GRIK3: variants seen among roughly 807,000 people sequenced by gnomAD.
GRIK3 encodes glutamate ionotropic receptor kainate type subunit 3, also known as glutamate receptor ionotropic, kainate 3.
A neutral mutation model predicts 102.5 loss-of-function variants in GRIK3; 29 were observed. That is an observed-to-expected ratio of 0.28 (90% confidence interval 0.21 to 0.39). The LOEUF (loss-of-function observed/expected upper bound fraction) is 0.39, where lower values mean the gene tolerates loss of function less well. Among genes scored for constraint, GRIK3 ranks in the 10% least tolerant of loss-of-function variants. The pLI is 1.00. For synonymous variants in GRIK3, 511 were observed against 504.9 expected (o/e 1.01, Z -0.16); for missense variants, 908 against 1,252.4 (o/e 0.73, Z 4.15).
At chr1:36,980,650 C>A (rs545643190) in intron 1 of GRIK3, among the ~76,000 whole-genome samples, 1 of 152,100 alleles carries the variant, frequency 6.6e-6, no homozygotes, top group South Asian at 2.1e-4. Flanking sequence ...CTGCCCATTC[C>A]CAGGGTCCCG....
At chr1:36,818,827 C>T (rs78588360) in intron 12 of GRIK3, among the ~76,000 whole-genome samples, 2,124 of 152,352 alleles carry the variant, frequency 0.014, 50 homozygotes, top group African/African-American at 0.048. Flanking sequence ...AGCCCCTTCC[C>T]TGCCTGCCCC....
At chr1:36,894,153 T>C (rs1383260519) in intron 1 of GRIK3, among the ~76,000 whole-genome samples, 1 of 152,188 alleles carries the variant, frequency 6.6e-6, no homozygotes, top group Non-Finnish European at 1.5e-5. Context: ...AGAATCCCCG[T>C]GCCCATTTAC....
chr1:36,913,457 T>C (rs1198602941), intron 1 of GRIK3, among the ~76,000 whole-genome samples: 1 of 152,228 alleles, frequency 6.6e-6, no homozygotes, highest in Non-Finnish European at 1.5e-5. Context: ...TAAATATCAA[T>C]TGCTATGCAG....
intron 1 of GRIK3, among the ~76,000 whole-genome samples, chr1:36,969,049 C>T (rs1642112681): frequency 6.6e-6 from 1 of 152,192 alleles, no homozygotes; most frequent in African/African-American, 2.4e-5. Flanking sequence ...ATATGCCACC[C>T]TCTCTTCCCC....
chr1:36,860,159 A>G, intron 5 of GRIK3, 142 bp from the exon 6 acceptor site: 1 of 612,790 alleles, frequency 1.6e-6, no homozygotes, highest in Non-Finnish European at 2.8e-6. Flanking sequence ...GGGGTGCGGG[A>G]TATCGGGGTA....
chr1:36,897,158 C>A (rs543466660), intron 1 of GRIK3, among the ~76,000 whole-genome samples: 1 of 152,022 alleles, frequency 6.6e-6, no homozygotes, highest in African/African-American at 2.4e-5. Flanking sequence ...AGCAGTTAGG[C>A]AAGAAAATGA....
At position 36,999,008 on chromosome 1, in the gene GRIK3, A is replaced by G. The variant is rs945169; in HGVS notation, c.115+34986T>C. Among the ~76,000 whole-genome samples the G allele has an allele frequency of 1.2e-3, 68 of 55,242 alleles. 1 individual carries two copies. The highest frequency in any genetic ancestry group is 6.6e-3 in the South Asian group (12 of 1,812). 36.2% of individuals were successfully genotyped at this position (55,242 alleles called of 152,430 possible). A position where few individuals can be genotyped will look rare whatever the true frequency, so the allele number is the denominator to read the frequency against. ...TGTGTGTGTGTGTGTGTGTGTGTGT[A>G]TGTGTGTGTGTGTTGGGGGTGGGGA... On this transcript the variant is annotated intron_variant, in intron 1 of 15. Transcript: ENST00000373091.
intron 11 of GRIK3, among the ~76,000 whole-genome samples, chr1:36,823,124 G>A (rs776015181): frequency 6.6e-6 from 1 of 152,150 alleles, no homozygotes; most frequent in African/African-American, 2.4e-5. Flanking sequence ...AGGAGTGAAG[G>A]GGAGATGGCC....
intron 1 of GRIK3, among the ~76,000 whole-genome samples, chr1:37,008,920 A>G (rs951869086): frequency 2.3e-4 from 35 of 152,156 alleles, no homozygotes; most frequent in Admixed American, 1.6e-3. Context: ...TTCTTGCTAA[A>G]AAGGAAGAGG....
At position 36,980,281 on chromosome 1, in the gene GRIK3, G is replaced by A. The variant is rs1168944136; in HGVS notation, c.115+53713C>T. Among the ~76,000 whole-genome samples the A allele has an allele frequency of 1.3e-4, 20 of 152,180 alleles. 1 individual carries two copies. In the Middle Eastern group the frequency reaches 0.01, roughly 78 times the overall value. On this transcript the variant is annotated intron_variant, in intron 1 of 15. Coordinates refer to ENST00000373091, the MANE Select transcript of GRIK3 (RefSeq NM_000831.4). ...ATCCTCCCAAAGTCTACAGAGCGCC[G>A]TGTGATCCAGCCTCTGCTCAGCCCT...
chr1:36,956,521 A>G (rs1165719916), intron 1 of GRIK3, among the ~76,000 whole-genome samples: 2 of 152,110 alleles, frequency 1.3e-5, no homozygotes, highest in African/African-American at 2.4e-5. Flanking sequence ...CCAGCTCCCA[A>G]GAAAACAGCT....
chr1:36,933,425 A>C (rs781076468), intron 1 of GRIK3, among the ~76,000 whole-genome samples: 1 of 152,210 alleles, frequency 6.6e-6, no homozygotes, highest in Non-Finnish European at 1.5e-5. Context: ...AGTAAACCTA[A>C]TGGTAACTAT....
intron 3 of GRIK3, among the ~76,000 whole-genome samples, chr1:36,878,252 A>G (rs1188276793): frequency 6.6e-6 from 1 of 152,222 alleles, no homozygotes; most frequent in East Asian, 1.9e-4. Context: ...CAGCAGAAAC[A>G]CTGGAGTGGC....
chr1:36,841,852 C>G lies in GRIK3; in HGVS notation c.1414G>C (p.Glu472Gln), dbSNP rs1449383976. The G allele has an allele frequency of 6.2e-7, 1 of 1,614,198 alleles. No individual in the cohort carries two copies. The highest frequency in any genetic ancestry group is 1.1e-5 in the South Asian group (1 of 91,078). ...GAGAAACCAAGGATGTGGGCCAGCTCCTTTAGCAGGTCGATGCAGTAGCCC... is the reference window on the plus strand; with the variant it reads ...GAGAAACCAAGGATGTGGGCCAGCTGCTTTAGCAGGTCGATGCAGTAGCCC... ...FEGYCIDLLK[E>Q]LAHILGFSYE... Residue 472 changes from glutamate (E) to glutamine (Q), a missense_variant, in exon 10 of 16, where the codon GAG becomes CAG. By Grantham distance (29) the Glu-to-Gln change is conservative. Coordinates refer to ENST00000373091, the MANE Select transcript of GRIK3 (RefSeq NM_000831.4).
chr1:36,888,550 C>T (rs1403695045), intron 2 of GRIK3, among the ~76,000 whole-genome samples: 2 of 152,144 alleles, frequency 1.3e-5, no homozygotes, highest in African/African-American at 2.4e-5. Flanking sequence ...GCACTCTCTC[C>T]TGCAACTCCC....
At chr1:36,842,613 G>C (rs1398608029) in intron 9 of GRIK3, among the ~76,000 whole-genome samples, 1 of 151,932 alleles carries the variant, frequency 6.6e-6, no homozygotes, top group Non-Finnish European at 1.5e-5. Flanking sequence ...TGGTAACAGG[G>C]ACAGCTCATC....
intron 5 of GRIK3, among the ~76,000 whole-genome samples, chr1:36,860,513 T>C (rs1029918433): frequency 6.6e-6 from 1 of 152,186 alleles, no homozygotes; most frequent in Non-Finnish European, 1.5e-5. Context: ...CTCTCCCCCT[T>C]TTCCCCCGAT....
At chr1:37,025,156 G>A (rs866356060) in intron 1 of GRIK3, among the ~76,000 whole-genome samples, 6 of 152,262 alleles carry the variant, frequency 3.9e-5, no homozygotes, top group African/African-American at 1.4e-4. Flanking sequence ...ATTAGCATGG[G>A]CAAAACATCT....
At chr1:36,805,509 G>A (rs1642489268) in intron 14 of GRIK3, among the ~76,000 whole-genome samples, 1 of 152,218 alleles carries the variant, frequency 6.6e-6, no homozygotes, top group African/African-American at 2.4e-5. Context: ...GCAGGGGCAG[G>A]GGCAGGAGAG....
Sources: allele counts gnomAD v4.1 joint callset (sites outside exome capture counted in the v4.1 genomes callset), GRCh38; gene constraint gnomAD v4.1.1; transcripts MANE v1.5; gene names NCBI Gene and HGNC (gene_info 2026-07-23, HGNC 2026-07-21).